The following PPFIA2 variants were observed in gnomAD, a reference collection of about 807,000 sequenced individuals.
The protein encoded by PPFIA2 is PPFI scaffold protein A2, also known as liprin-alpha-2.
PPFIA2 carries 46 observed loss-of-function variants against 175.5 expected under a neutral mutation model. The ratio of observed to expected loss-of-function variants is 0.26; its 90% CI spans 0.21 to 0.34. The LOEUF (loss-of-function observed/expected upper bound fraction) is 0.34, where lower values mean the gene tolerates loss of function less well. Ranked by LOEUF, PPFIA2 falls within the 10% of genes least tolerant of loss-of-function variation. PPFIA2 has a pLI of 1.00. For synonymous variants in PPFIA2, 568 were observed against 511.4 expected, an observed-to-expected ratio of 1.11 and a Z score of -1.49; for missense variants, 1,179 against 1,506.1, an observed-to-expected ratio of 0.78 and a Z score of 3.60.
chr12:81,290,303 T>C (rs1455913937), intron 24 of PPFIA2, among the ~76,000 whole-genome samples: 1 of 151,738 alleles, frequency 6.6e-6, no homozygotes. Flanking sequence ...TGAATTCTAA[T>C]ACATAATGTT....
chr12:81,713,174 G>C (rs890713050), intron 3 of PPFIA2, among the ~76,000 whole-genome samples: 3 of 149,126 alleles, frequency 2.0e-5, no homozygotes, highest in African/African-American at 7.5e-5. Context: ...CAGCTTTTTT[G>C]GGGGGGTCTG....
At chr12:81,430,506 C>T (rs1044707641) in intron 7 of PPFIA2, 1 of 150,748 alleles carries the variant, frequency 6.6e-6, no homozygotes, top group Non-Finnish European at 1.5e-5. Flanking sequence ...TTGAACACCT[C>T]CAATCTTTAT....
intron 12 of PPFIA2, 103 bp from the exon 13 acceptor site, chr12:81,368,959 G>T (rs896807056): frequency 2.9e-6 from 4 of 1,378,756 alleles, no homozygotes; most frequent in East Asian, 2.4e-5. Flanking sequence ...CATCTGTTTT[G>T]ATTAAAGTGG....
At chr12:81,403,353 A>C (rs1386886141) in intron 8 of PPFIA2, among the ~76,000 whole-genome samples, 2 of 152,216 alleles carry the variant, frequency 1.3e-5, no homozygotes, top group East Asian at 1.9e-4. Flanking sequence ...ATTATGCATA[A>C]ATCCTCATCC....
At chr12:81,355,631 A>C (rs557594272) in intron 16 of PPFIA2, among the ~76,000 whole-genome samples, 1 of 152,304 alleles carries the variant, frequency 6.6e-6, no homozygotes, top group South Asian at 2.1e-4. Context: ...CTTCTGAATA[A>C]CTTTTAACAG....
chr12:81,427,771 T>A (rs1278969602), intron 7 of PPFIA2, among the ~76,000 whole-genome samples: 2 of 152,056 alleles, frequency 1.3e-5, no homozygotes, highest in Non-Finnish European at 2.9e-5. Context: ...AACTTCAGTA[T>A]GCCAAGTTTA....
chr12:81,412,725 A>C (rs1203209407), intron 7 of PPFIA2, among the ~76,000 whole-genome samples: 1 of 151,920 alleles, frequency 6.6e-6, no homozygotes, highest in Non-Finnish European at 1.5e-5. Context: ...GGTTCTTGTT[A>C]TATCAAATGG....
At chr12:81,589,262 T>C (rs1360477023) in intron 4 of PPFIA2, among the ~76,000 whole-genome samples, 6 of 152,092 alleles carry the variant, frequency 3.9e-5, no homozygotes, top group Non-Finnish European at 7.4e-5. Flanking sequence ...TATAACTTCC[T>C]ATCTGGAGCC....
chr12:81,670,097 G>A (rs1415533463), intron 4 of PPFIA2, among the ~76,000 whole-genome samples: 2 of 151,840 alleles, frequency 1.3e-5, no homozygotes, highest in African/African-American at 4.8e-5. Flanking sequence ...GAAAATAGCA[G>A]GAGGTTTGTA....
intron 4 of PPFIA2, among the ~76,000 whole-genome samples, chr12:81,523,484 A>G (rs887754330): frequency 6.6e-6 from 1 of 152,208 alleles, no homozygotes; most frequent in Non-Finnish European, 1.5e-5. Context: ...ATTCAAGGAC[A>G]TGCATGCACC....
intron 15 of PPFIA2, among the ~76,000 whole-genome samples, chr12:81,359,196 C>A (rs1307706036): frequency 6.6e-6 from 1 of 152,004 alleles, no homozygotes; most frequent in African/African-American, 2.4e-5. Flanking sequence ...ACTATACTCT[C>A]TTTTTCAGTT....
At chr12:81,565,178 C>T (rs1285930086) in intron 4 of PPFIA2, among the ~76,000 whole-genome samples, 1 of 152,192 alleles carries the variant, frequency 6.6e-6, no homozygotes, top group Non-Finnish European at 1.5e-5. Flanking sequence ...CCACCTTTGT[C>T]TGAGGAGATA....
chr12:81,534,440 C>T (rs2065090119), intron 4 of PPFIA2, among the ~76,000 whole-genome samples: 1 of 151,560 alleles, frequency 6.6e-6, no homozygotes. Flanking sequence ...CAAAATATCA[C>T]AGGTACTCCA....
intron 3 of PPFIA2, among the ~76,000 whole-genome samples, chr12:81,726,014 T>C (rs938853215): frequency 2.0e-5 from 3 of 151,084 alleles, no homozygotes; most frequent in Non-Finnish European, 4.5e-5. Flanking sequence ...CTCTCTCATA[T>C]TCACTTTCAA....
intron 3 of PPFIA2, among the ~76,000 whole-genome samples, chr12:81,685,295 G>T (rs1173223121): frequency 3.9e-5 from 6 of 152,022 alleles, no homozygotes; most frequent in African/African-American, 1.4e-4. Flanking sequence ...TAAGCAGTTA[G>T]TGTTTCCTTG....
At position 81,445,638 on chromosome 12, in the gene PPFIA2, G is replaced by T; in HGVS notation, c.488C>A (p.Ser163Tyr). 6.2e-7 allele frequency: 1 copy of T among 1,613,900 alleles called. No homozygotes were observed. The highest frequency in any genetic ancestry group is 8.5e-7 in the Non-Finnish European group (1 of 1,179,846). The stretch of plus-strand genomic sequence containing the variant: ...AACTTCACTGGATACTCCTGAGGGA[G>T]ACTGGGCTTGCCGTTTTACCACCGT... ...RMTVVKRQAQ[S>Y]PSGVSSEVEV... Residue 163 changes from serine (S) to tyrosine (Y), a missense_variant, in exon 6 of 33, where the codon TCT (serine) becomes TAT (tyrosine). Transcript: ENST00000549396.
chr12:81,307,037 G>A (rs935738753), intron 22 of PPFIA2, among the ~76,000 whole-genome samples: 3 of 152,080 alleles, frequency 2.0e-5, no homozygotes, highest in African/African-American at 7.2e-5. Flanking sequence ...TTCCACCTTT[G>A]CAAATACCAC....
chr12:81,742,769 G>A (rs2082484829), intron 3 of PPFIA2, among the ~76,000 whole-genome samples: 1 of 152,102 alleles, frequency 6.6e-6, no homozygotes, highest in African/African-American at 2.4e-5. Flanking sequence ...AAGATGCCAG[G>A]AAGATGGCAA....
At chr12:81,351,057 G>A (rs149026864) in intron 17 of PPFIA2, among the ~76,000 whole-genome samples, 214 of 152,238 alleles carry the variant, frequency 1.4e-3, no homozygotes, top group African/African-American at 4.9e-3. Flanking sequence ...AAAAGCTGAT[G>A]TCATTGGAAT....
Sources: gnomAD v4.1 joint callset for allele counts (sites outside exome capture counted in the v4.1 genomes callset) on GRCh38, gnomAD v4.1.1 for gene constraint, MANE v1.5 for transcripts, NCBI Gene and HGNC (gene_info 2026-07-23, HGNC 2026-07-21) for gene names.